Variants in COL4A6 observed in about 807,000 individuals in gnomAD.
COL4A6 encodes the protein collagen alpha-6(IV) chain.
Under a neutral mutation model 126.7 loss-of-function variants are expected in COL4A6, and 59 were observed. The observed-to-expected ratio is 0.47, with a 90% CI of 0.38 to 0.58. COL4A6 has a LOEUF of 0.58. COL4A6 is among the 20% of genes least tolerant of loss of function. COL4A6 has a pLI of 0.00. For synonymous variants in COL4A6, 547 were observed against 496.6 expected, an observed-to-expected ratio of 1.10 and a Z score of -1.35; for missense variants, 1,285 against 1,337.3, an observed-to-expected ratio of 0.96 and a Z score of 0.61.
In COL4A6 at chrX:108,179,206, A is replaced by G. The variant is rs982188417; in HGVS notation, c.2353+11T>C. The G allele has an allele frequency of 8.3e-7, 1 of 1,199,021 alleles. No homozygotes were observed. Among genetic ancestry groups the G allele is most frequent in the African/African-American group, 1.8e-5 (1 of 56,941 alleles). ...TGTAGATTGTTAAATAATTGGGGCA[A>G]AAAGATTCACCCTTGAGTCCTGGAA... On this transcript the variant is annotated intron_variant, in intron 26 of 44. Coordinates refer to ENST00000334504, the MANE Select transcript of COL4A6 (RefSeq NM_033641.4).
intron 2 of COL4A6, among the ~76,000 whole-genome samples, chrX:108,359,898 T>C (rs2040045055): frequency 8.9e-6 from 1 of 112,484 alleles, no homozygotes; most frequent in Non-Finnish European, 1.9e-5. Context: ...CATTTCTTAC[T>C]TGTGTAGAGT....
At chrX:108,193,581 T>G (rs1325035030) in intron 17 of COL4A6, 47 bp downstream of exon 17, 1 of 1,040,529 alleles carries the variant, frequency 9.6e-7, no homozygotes, top group South Asian at 2.0e-5. Context: ...GATATAGGAT[T>G]TAACTTCCTG....
intron 2 of COL4A6, among the ~76,000 whole-genome samples, chrX:108,393,035 G>C (rs1377336658): frequency 1.8e-5 from 2 of 111,951 alleles, no homozygotes; most frequent in East Asian, 5.6e-4. Flanking sequence ...TATTGCTGAT[G>C]GGAATGTATA....
At chrX:108,199,388 C>T (rs1285870496) in intron 13 of COL4A6, among the ~76,000 whole-genome samples, 2 of 110,539 alleles carry the variant, frequency 1.8e-5, no homozygotes, top group African/African-American at 6.6e-5. Context: ...AAAGTACCTA[C>T]GAATGTTCCC....
chrX:108,178,826 G>A lies in COL4A6; in HGVS notation c.2373C>T (p.Gly791=). The A allele has an allele frequency of 1.7e-6, 2 of 1,210,372 alleles. No individual in the cohort carries two copies. Among genetic ancestry groups the A allele is most frequent in the South Asian group, 1.8e-5 (1 of 56,645 alleles). The change falls in exon 27 of 45, where the codon GGC becomes GGT. Residue 791 remains glycine (G), a synonymous_variant. Transcript: ENST00000334504. The part of the protein sequence containing the change: ...PGLKGVHGKP[G]LLGPKGERGS... ...CCCGCTCACCTTTGGGGCCTAGTAA[G>A]CCAGGCTTCCCGTGCACACCTGATA...
chrX:108,261,171 T>C (rs2037150017), intron 3 of COL4A6, among the ~76,000 whole-genome samples: 1 of 111,870 alleles, frequency 8.9e-6, no homozygotes, highest in African/African-American at 3.2e-5. Flanking sequence ...GCATAGCTAT[T>C]AAATTTGAAT....
chrX:108,291,315 C>A (rs1003064035), intron 3 of COL4A6, among the ~76,000 whole-genome samples: 3 of 112,286 alleles, frequency 2.7e-5, no homozygotes, highest in Non-Finnish European at 5.6e-5. Flanking sequence ...TCATTTCAAC[C>A]TTTTTTAAAA....
chrX:108,210,512 C>A (rs774609045), intron 7 of COL4A6, among the ~76,000 whole-genome samples: 2 of 112,504 alleles, frequency 1.8e-5, no homozygotes, highest in Non-Finnish European at 3.8e-5. Context: ...AGTAATATAA[C>A]CATCTTGTGA....
At chrX:108,198,121 C>T (rs1288132464) in intron 13 of COL4A6, among the ~76,000 whole-genome samples, 1 of 111,528 alleles carries the variant, frequency 9.0e-6, no homozygotes, top group Non-Finnish European at 1.9e-5. Flanking sequence ...AGAATGGTTG[C>T]ATATGAAAGT....
chrX:108,227,374 A>T (rs1049554343), intron 3 of COL4A6, among the ~76,000 whole-genome samples: 1 of 112,048 alleles, frequency 8.9e-6, no homozygotes, highest in Non-Finnish European at 1.9e-5. Flanking sequence ...TTCTGAGCCA[A>T]ATATGAGTGA....
At chrX:108,184,148 T>C (rs143841779) in intron 23 of COL4A6, among the ~76,000 whole-genome samples, 3,854 of 112,340 alleles carry the variant, frequency 0.034, 167 homozygotes, top group African/African-American at 0.12. Context: ...AGCATCTTAG[T>C]TTTTTTCTAG....
At chrX:108,174,310 T>C in intron 31 of COL4A6, 130 bp downstream of exon 31, 1 of 638,768 alleles carries the variant, frequency 1.6e-6, no homozygotes, top group Non-Finnish European at 2.4e-6. Flanking sequence ...AGGAGAGAAC[T>C]CTTTCTGAGG....
intron 7 of COL4A6, 77 bp from the exon 8 acceptor site, chrX:108,210,081 A>G (rs995896746): frequency 2.9e-6 from 3 of 1,038,229 alleles, no homozygotes; most frequent in East Asian, 3.1e-5. Flanking sequence ...CCTAACATTT[A>G]TAGGGACAAA....
intron 3 of COL4A6, among the ~76,000 whole-genome samples, chrX:108,281,709 C>G (rs1179808837): frequency 9.0e-6 from 1 of 110,656 alleles, no homozygotes; most frequent in Non-Finnish European, 1.9e-5. Flanking sequence ...GCCAAAAGAA[C>G]AAAGCTGGAG....
intron 43 of COL4A6, 121 bp from the exon 44 acceptor site, chrX:108,159,869 C>T (rs1395609898): frequency 2.7e-6 from 2 of 744,525 alleles, no homozygotes; most frequent in African/African-American, 4.2e-5. Context: ...TCCTTCCAAT[C>T]CTGTAACATT....
At chrX:108,184,423 G>A (rs1023546037) in intron 23 of COL4A6, among the ~76,000 whole-genome samples, 4 of 111,847 alleles carry the variant, frequency 3.6e-5, no homozygotes, top group Non-Finnish European at 7.5e-5. Context: ...GTGCTTCTGA[G>A]AGGTAATTAG....
chrX:108,171,381 C>T lies in COL4A6; in HGVS notation c.3277+6G>A, dbSNP rs775836782. On this transcript the variant is annotated splice_donor_region_variant and intron_variant, in intron 33 of 44. Transcript: ENST00000334504. ...GGCAAACAAGACAAAAATATAGCAACCTTACCTTTAAAACCAGATTCGCCA... is the reference window on the plus strand; with the variant it reads ...GGCAAACAAGACAAAAATATAGCAATCTTACCTTTAAAACCAGATTCGCCA... The T allele has an allele frequency of 2.7e-5, 33 of 1,205,271 alleles. No homozygotes were observed. The highest frequency in any genetic ancestry group is 3.0e-5 in the East Asian group (1 of 33,760).
intron 2 of COL4A6, among the ~76,000 whole-genome samples, chrX:108,377,020 C>G (rs111980379): frequency 8.9e-6 from 1 of 112,470 alleles, no homozygotes; most frequent in African/African-American, 3.2e-5. Context: ...GCGCCGGCCG[C>G]GGCCTCTGAG....
At chrX:108,281,747 A>G (rs907514926) in intron 3 of COL4A6, among the ~76,000 whole-genome samples, 1 of 110,523 alleles carries the variant, frequency 9.0e-6, no homozygotes, top group Non-Finnish European at 1.9e-5. Flanking sequence ...TTCAAACTAT[A>G]CTACAAGGCT....
Sources: allele counts gnomAD v4.1 joint callset (sites outside exome capture counted in the v4.1 genomes callset), GRCh38; gene constraint gnomAD v4.1.1; transcripts MANE v1.5; gene names NCBI Gene and HGNC (gene_info 2026-07-23, HGNC 2026-07-21).